Variants in PHACTR3 observed in about 807,000 individuals in gnomAD.
PHACTR3 encodes the protein phosphatase and actin regulator 3.
A neutral mutation model predicts 66.8 loss-of-function variants in PHACTR3; 16 were observed. The ratio of observed to expected loss-of-function variants is 0.24; its 90% CI spans 0.16 to 0.36. The LOEUF (loss-of-function observed/expected upper bound fraction) is 0.36. PHACTR3 is among the 10% of genes least tolerant of loss of function. The pLI is 1.00. For missense variants in PHACTR3, 647 were observed against 719.9 expected (o/e 0.90, Z 1.16); for synonymous variants, 323 against 292.1 (o/e 1.11, Z -1.08).
At chr20:59,684,898 G>A (rs1011549722) in intron 1 of PHACTR3, among the ~76,000 whole-genome samples, 1 of 152,202 alleles carries the variant, frequency 6.6e-6, no homozygotes, top group African/African-American at 2.4e-5. Context: ...GGCCCAGCAT[G>A]TCCCACGGCT....
chr20:59,755,149 G>A, intron 3 of PHACTR3, 33 bp from the exon 4 acceptor site: 2 of 1,598,210 alleles, frequency 1.3e-6, no homozygotes, highest in Non-Finnish European at 1.7e-6. Context: ...GAAGGGAGGT[G>A]CAGGCCCAGC....
chr20:59,692,619 G>A (rs1455668231), intron 1 of PHACTR3, among the ~76,000 whole-genome samples: 1 of 152,236 alleles, frequency 6.6e-6, no homozygotes, highest in African/African-American at 2.4e-5. Flanking sequence ...TGAGGTAGGT[G>A]AGGAGACTGA....
intron 1 of PHACTR3, among the ~76,000 whole-genome samples, chr20:59,607,703 G>A (rs2033714841): frequency 6.6e-6 from 1 of 152,136 alleles, no homozygotes; most frequent in Non-Finnish European, 1.5e-5. Context: ...TTGGAAAATG[G>A]CATATGGGAA....
At chr20:59,803,709 A>G (rs1568837496) in intron 7 of PHACTR3, among the ~76,000 whole-genome samples, 1 of 152,224 alleles carries the variant, frequency 6.6e-6, no homozygotes, top group East Asian at 1.9e-4. Context: ...TTTAACAGGC[A>G]TCCTCTGACT....
intron 9 of PHACTR3, among the ~76,000 whole-genome samples, chr20:59,838,407 A>G (rs1216934719): frequency 6.6e-6 from 1 of 152,222 alleles, no homozygotes; most frequent in Non-Finnish European, 1.5e-5. Context: ...GACTAACTGC[A>G]GTCATATCTG....
intron 11 of PHACTR3, chr20:59,844,040 C>T (rs2059110167): frequency 6.6e-6 from 1 of 152,002 alleles, no homozygotes; most frequent in Admixed American, 6.6e-5. Flanking sequence ...CAAAAGATGA[C>T]ATACAAATCG....
intron 1 of PHACTR3, among the ~76,000 whole-genome samples, chr20:59,679,846 C>T (rs2036580129): frequency 6.6e-6 from 1 of 152,144 alleles, no homozygotes; most frequent in Admixed American, 6.5e-5. Context: ...AGACTGCCCC[C>T]ATGATTCAGT....
At chr20:59,774,920 G>C in intron 7 of PHACTR3, among the ~76,000 whole-genome samples, 1 of 152,190 alleles carries the variant, frequency 6.6e-6, no homozygotes, top group South Asian at 2.1e-4. Flanking sequence ...AAAGCAGGAC[G>C]AGATGGAAGC....
At chr20:59,757,800 G>GT (rs1326568137) in intron 4 of PHACTR3, among the ~76,000 whole-genome samples, 3 of 152,220 alleles carry the variant, frequency 2.0e-5, no homozygotes, top group East Asian at 1.9e-4. Flanking sequence ...AAAAAGTTTT[G>GT]TTTTTTGTTT....
chr20:59,583,331 T>A (rs1047625656), intron 1 of PHACTR3, among the ~76,000 whole-genome samples: 41 of 152,104 alleles, frequency 2.7e-4, no homozygotes, highest in Non-Finnish European at 1.5e-4. Flanking sequence ...TCCAGTCAAT[T>A]TACTTTACCC....
At chr20:59,750,668 C>T (rs1420451106) in intron 3 of PHACTR3, among the ~76,000 whole-genome samples, 2 of 151,298 alleles carry the variant, frequency 1.3e-5, no homozygotes, top group Non-Finnish European at 2.9e-5. Context: ...CTGGGGCGGC[C>T]ACAGTGCGAG....
chr20:59,747,941 G>A (rs970119942), intron 3 of PHACTR3, 106 bp downstream of exon 3: 18 of 1,191,934 alleles, frequency 1.5e-5, no homozygotes, highest in Non-Finnish European at 2.0e-5. Context: ...TAGAATCCAA[G>A]GAGGGCCGTG....
chr20:59,840,219 CAA>C (rs2059033537), intron 9 of PHACTR3, 148 bp from the exon 10 acceptor site: 1 of 1,292,642 alleles, frequency 7.7e-7, no homozygotes, highest in Non-Finnish European at 1.0e-6. Flanking sequence ...CAGTGACTGA[CAA>C]AGTGGGAAGA....
intron 1 of PHACTR3, among the ~76,000 whole-genome samples, chr20:59,592,698 C>T (rs2033218999): frequency 6.6e-6 from 1 of 152,196 alleles, no homozygotes; most frequent in Non-Finnish European, 1.5e-5. Flanking sequence ...TTTTTATTGT[C>T]TCCATAATTT....
chr20:59,806,156 A>G lies in PHACTR3; in HGVS notation c.1290A>G (p.Arg430=), dbSNP rs774601908. 7 of 1,614,230 alleles carry G rather than the reference A, an allele frequency of 4.3e-6. No individual in the cohort carries two copies. Among genetic ancestry groups the G allele is most frequent in the East Asian group, 4.5e-5 (2 of 44,882 alleles). The change falls in exon 8 of 13, where the codon AGA becomes AGG. Residue 430 remains arginine, a synonymous_variant. Coordinates refer to ENST00000371015, the MANE Select transcript of PHACTR3 (RefSeq NM_080672.5). The part of the protein sequence containing the change: ...NIFPRRTDEE[R]QEIRQQIEMK... Reference sequence around the variant, plus strand: ...TCCCCAGAAGGACTGATGAAGAAAGACAGGAGATCCGGCAGCAGATCGAGA... The same window carrying G: ...TCCCCAGAAGGACTGATGAAGAAAGGCAGGAGATCCGGCAGCAGATCGAGA...
intron 1 of PHACTR3, among the ~76,000 whole-genome samples, chr20:59,636,286 T>C (rs958642797): frequency 1.3e-5 from 2 of 152,240 alleles, no homozygotes; most frequent in Non-Finnish European, 2.9e-5. Context: ...AGGTCGCAGA[T>C]AGCAGACTTT....
rs1321247110 is a variant in PHACTR3 at position 59,767,335 on chromosome 20, C to T, written c.691C>T (p.Pro231Ser). 6 of 1,614,136 alleles carry T rather than the reference C, an allele frequency of 3.7e-6. No homozygotes were observed. The highest frequency in any genetic ancestry group is 5.1e-6 in the Non-Finnish European group (6 of 1,180,030). The change falls in exon 5 of 13, where the codon CCC (proline) becomes TCC (serine). Residue 231 changes from proline (P) to serine (S), a missense_variant. Pro to Ser is a moderately conservative substitution (Grantham distance 74). Transcript: ENST00000371015. ...GAGATCCGTGGGCCAGCTCCCCAGC[C>T]CCCCACTGCTGCCCACTCCGCCACC... ...LERSVGQLPSPPLLPTPPPKA... is the reference protein window; with the variant it reads ...LERSVGQLPSSPLLPTPPPKA...
chr20:59,740,852 C>T (rs1368632787), intron 1 of PHACTR3, among the ~76,000 whole-genome samples: 2 of 152,216 alleles, frequency 1.3e-5, no homozygotes, highest in East Asian at 3.9e-4. Context: ...CTTGGGCCCT[C>T]GGGTGCTGCC....
intron 1 of PHACTR3, among the ~76,000 whole-genome samples, chr20:59,672,498 T>C (rs2036228828): frequency 6.6e-6 from 1 of 152,188 alleles, no homozygotes; most frequent in African/African-American, 2.4e-5. Flanking sequence ...ATCTGGGCTG[T>C]GGAATCCACC....
Sources: allele counts gnomAD v4.1 joint callset (sites outside exome capture counted in the v4.1 genomes callset), GRCh38; gene constraint gnomAD v4.1.1; transcripts MANE v1.5; gene names NCBI Gene and HGNC (gene_info 2026-07-23, HGNC 2026-07-21).